Variants in CAMKMT observed in about 807,000 individuals in gnomAD.
CAMKMT encodes CaM KMT.
A neutral mutation model predicts 48.0 loss-of-function variants in CAMKMT; 53 were observed. That is an observed-to-expected ratio of 1.10 (90% CI 0.89 to 1.39). CAMKMT has a LOEUF of 1.39. CAMKMT is among the 40% of genes most tolerant of loss of function. The pLI is 0.00. For synonymous variants in CAMKMT, 165 were observed against 152.3 expected, an observed-to-expected ratio of 1.08 and a Z score of -0.61; for missense variants, 428 against 402.7, an observed-to-expected ratio of 1.06 and a Z score of -0.54.
In CAMKMT at chr2:44,372,724, G is replaced by A. The variant is rs1679302601; in HGVS notation, c.147G>A (p.Lys49=). 1 of 1,611,848 alleles carries A rather than the reference G, an allele frequency of 6.2e-7. No homozygotes were observed. Among genetic ancestry groups the A allele is most frequent in the South Asian group, 1.1e-5 (1 of 90,848 alleles). Reference sequence around the variant, plus strand: ...TTGGCTTTATTTCAAAGGTTCTGAAGCAAAAACACCTGGATGATTGCCTGC... The same window carrying A: ...TTGGCTTTATTTCAAAGGTTCTGAAACAAAAACACCTGGATGATTGCCTGC... ...ARWKLLRQVL[K]QKHLDDCLRH... Residue 49 remains lysine, a synonymous_variant, in exon 2 of 11, where the codon AAG becomes AAA. Transcript: ENST00000378494.
At chr2:44,441,340 T>C (rs932132793) in intron 3 of CAMKMT, among the ~76,000 whole-genome samples, 9 of 152,184 alleles carry the variant, frequency 5.9e-5, no homozygotes, top group African/African-American at 2.2e-4. Context: ...TGTTGCTGGG[T>C]GATAACATCT....
At chr2:44,408,487 C>T (rs1175640115) in intron 3 of CAMKMT, among the ~76,000 whole-genome samples, 1 of 151,466 alleles carries the variant, frequency 6.6e-6, no homozygotes, top group Non-Finnish European at 1.5e-5. Context: ...TAAAGCCCTG[C>T]AATACATAAA....
intron 3 of CAMKMT, among the ~76,000 whole-genome samples, chr2:44,562,761 AT>A (rs1202374291): frequency 1.3e-5 from 2 of 152,160 alleles, no homozygotes; most frequent in African/African-American, 4.8e-5. Flanking sequence ...GGGTTTCAAC[AT>A]GTTGGCCAGG....
chr2:44,624,113 C>G (rs1451196180), intron 3 of CAMKMT, among the ~76,000 whole-genome samples: 1 of 152,102 alleles, frequency 6.6e-6, no homozygotes, highest in East Asian at 1.9e-4. Flanking sequence ...TAAGTAAACA[C>G]CATCAGCAGA....
At chr2:44,662,670 G>A (rs1674744029) in intron 3 of CAMKMT, among the ~76,000 whole-genome samples, 1 of 152,094 alleles carries the variant, frequency 6.6e-6, no homozygotes, top group South Asian at 2.1e-4. Context: ...ATATCTCACT[G>A]CTCAGGTAAT....
At chr2:44,496,165 A>G (rs914367333) in intron 3 of CAMKMT, among the ~76,000 whole-genome samples, 1 of 152,238 alleles carries the variant, frequency 6.6e-6, no homozygotes, top group South Asian at 2.1e-4. Flanking sequence ...ATATTGACCA[A>G]TCTAAAGATT....
At chr2:44,414,419 C>G (rs182545078) in intron 3 of CAMKMT, among the ~76,000 whole-genome samples, 4 of 152,050 alleles carry the variant, frequency 2.6e-5, no homozygotes, top group Admixed American at 2.6e-4. Context: ...GAAAATCTTT[C>G]CGGGGTCACT....
intron 3 of CAMKMT, among the ~76,000 whole-genome samples, chr2:44,521,945 G>T (rs1335161814): frequency 6.6e-6 from 1 of 151,876 alleles, no homozygotes; most frequent in Non-Finnish European, 1.5e-5. Context: ...TAAGTGTACA[G>T]TTCGGTAGTA....
intron 7 of CAMKMT, among the ~76,000 whole-genome samples, chr2:44,732,888 C>A (rs942321879): frequency 5.3e-5 from 8 of 152,128 alleles, no homozygotes; most frequent in African/African-American, 1.7e-4. Flanking sequence ...TCTTCATTCT[C>A]CTCACAGGAT....
intron 3 of CAMKMT, among the ~76,000 whole-genome samples, chr2:44,609,787 G>T (rs1671498076): frequency 6.6e-6 from 1 of 152,162 alleles, no homozygotes; most frequent in South Asian, 2.1e-4. Flanking sequence ...CAGAAGGGTG[G>T]ATTGGAATCA....
chr2:44,547,752 G>A (rs1340733663), intron 3 of CAMKMT, among the ~76,000 whole-genome samples: 1 of 152,062 alleles, frequency 6.6e-6, no homozygotes, highest in East Asian at 1.9e-4. Context: ...AATTAAATAC[G>A]AGCTTATGTA....
intron 3 of CAMKMT, among the ~76,000 whole-genome samples, chr2:44,548,126 T>C (rs1256372041): frequency 1.3e-5 from 2 of 152,214 alleles, no homozygotes; most frequent in Non-Finnish European, 2.9e-5. Context: ...CAAATGGGCT[T>C]AGTTCTTTTA....
chr2:44,706,627 T>C (rs1188327003), intron 5 of CAMKMT, among the ~76,000 whole-genome samples: 1 of 151,934 alleles, frequency 6.6e-6, no homozygotes, highest in African/African-American at 2.4e-5. Flanking sequence ...TTTTTTTTTT[T>C]TTCAGATTAT....
chr2:44,387,379 A>T (rs1467687970), intron 2 of CAMKMT, among the ~76,000 whole-genome samples: 1 of 151,286 alleles, frequency 6.6e-6, no homozygotes, highest in Non-Finnish European at 1.5e-5. Flanking sequence ...GCCTTTTTCC[A>T]CCCCTTTAAG....
At chr2:44,623,893 A>T (rs1672334105) in intron 3 of CAMKMT, among the ~76,000 whole-genome samples, 1 of 152,178 alleles carries the variant, frequency 6.6e-6, no homozygotes, top group Admixed American at 6.5e-5. Context: ...ATTATACAGT[A>T]TGTAATATTT....
chr2:44,501,741 G>A (rs918983880), intron 3 of CAMKMT, among the ~76,000 whole-genome samples: 2 of 152,164 alleles, frequency 1.3e-5, no homozygotes, highest in Non-Finnish European at 2.9e-5. Context: ...AAAGGAGCTG[G>A]GCATGGTGGC....
chr2:44,697,548 A>G (rs1054655082), intron 3 of CAMKMT, among the ~76,000 whole-genome samples: 4 of 152,134 alleles, frequency 2.6e-5, no homozygotes, highest in African/African-American at 9.7e-5. Flanking sequence ...GAGGGGGGAA[A>G]AGACCTTTAT....
intron 9 of CAMKMT, among the ~76,000 whole-genome samples, chr2:44,760,407 G>A (rs991737881): frequency 6.6e-6 from 1 of 151,840 alleles, no homozygotes; most frequent in Non-Finnish European, 1.5e-5. Context: ...AATGGCCATC[G>A]AGACCATCCT....
At chr2:44,672,790 T>TTAA (rs1308214086) in intron 3 of CAMKMT, among the ~76,000 whole-genome samples, 7 of 152,162 alleles carry the variant, frequency 4.6e-5, no homozygotes, top group African/African-American at 1.7e-4. Flanking sequence ...CTGTAAGATG[T>TTAA]ACAAGTACCT....
Sources: allele counts gnomAD v4.1 joint callset (sites outside exome capture counted in the v4.1 genomes callset), GRCh38; gene constraint gnomAD v4.1.1; transcripts MANE v1.5; gene names NCBI Gene and HGNC (gene_info 2026-07-23, HGNC 2026-07-21).